Variants in POP4 observed in about 807,000 individuals in gnomAD.
POP4 encodes POP4 ribonuclease P/MRP subunit, also known as ribonuclease P protein subunit p29.
Under a neutral mutation model 29.9 loss-of-function variants are expected in POP4, and 31 were observed. The ratio of observed to expected loss-of-function variants is 1.04; its 90% CI spans 0.78 to 1.40. The LOEUF (loss-of-function observed/expected upper bound fraction) is 1.40, where lower values mean the gene tolerates loss of function less well. Ranked by LOEUF, POP4 falls within the 40% of genes most tolerant of loss-of-function variation. POP4 has a pLI of 0.00. For missense variants in POP4, 286 were observed against 282.7 expected (o/e 1.01, Z -0.08); for synonymous variants, 110 against 108.2 (o/e 1.02, Z -0.10).
At chr19:29,610,863 G>C in intron 3 of POP4, 1 of 552,318 alleles carries the variant, frequency 1.8e-6, no homozygotes, top group African/African-American at 1.9e-5. Flanking sequence ...TAAGACCCGT[G>C]CAAGTACATC....
chr19:29,607,780 G>A (rs190330975), intron 1 of POP4, among the ~76,000 whole-genome samples: 81 of 152,332 alleles, frequency 5.3e-4, no homozygotes, highest in Non-Finnish European at 9.6e-4. Context: ...CATCGATTAT[G>A]TGACACATTA....
At chr19:29,613,751 G>T in intron 5 of POP4, 120 bp from the exon 6 acceptor site, 1 of 1,467,032 alleles carries the variant, frequency 6.8e-7, no homozygotes, top group Non-Finnish European at 9.0e-7. Context: ...TGGGTGCTCT[G>T]TTCTTTCATC....
intron 4 of POP4, 66 bp downstream of exon 4, chr19:29,612,005 G>A (rs967886629): frequency 1.8e-5 from 29 of 1,588,940 alleles, no homozygotes; most frequent in East Asian, 6.7e-5. Context: ...TTGTAAATGC[G>A]GCTTCAGGAA....
rs1303242887 is a variant in POP4 at position 29,610,493 on chromosome 19, G to A, written c.145G>A (p.Asp49Asn). The change falls in exon 3 of 7, where the codon GAC becomes AAC. Residue 49 changes from aspartate (D) to asparagine (N), a missense_variant. Asp to Asn is a conservative substitution (Grantham distance 23). Transcript: ENST00000585603. Reference sequence around the variant, plus strand: ...CCGCATGAGCCCGCAGGCCCGCGAGGACCAGCTGCAGCGCAAGGCGGTGGT... The same window carrying A: ...CCGCATGAGCCCGCAGGCCCGCGAGAACCAGCTGCAGCGCAAGGCGGTGGT... ...TPRMSPQARE[D>N]QLQRKAVVLE... 1 of 1,611,878 alleles carries A rather than the reference G, an allele frequency of 6.2e-7. No individual in the cohort carries two copies. Among genetic ancestry groups the A allele is most frequent in the African/African-American group, 1.3e-5 (1 of 74,982 alleles).
At chr19:29,614,259 AG>A (rs1364770781) in intron 6 of POP4, among the ~76,000 whole-genome samples, 1 of 152,142 alleles carries the variant, frequency 6.6e-6, no homozygotes, top group Non-Finnish European at 1.5e-5. Flanking sequence ...GCCCCAGGAG[AG>A]GGCCTCCACC....
At position 29,608,903 on chromosome 19, in the gene POP4, G is replaced by C. The variant is rs771974839; in HGVS notation, c.60+194G>C. 5 of 549,768 alleles carry C rather than the reference G, an allele frequency of 9.1e-6. No homozygotes were observed. The East Asian group carries it at 1.5e-4, about 17-fold the overall frequency. The allele number at this position is 549,768 out of a possible 1,614,324, so 34.1% of individuals were successfully genotyped here. On this transcript the variant is annotated intron_variant, in intron 2 of 6. Transcript: ENST00000585603. ...CCACGTGCCAGCCTCCTTTTCTGTT[G>C]TGCCAAAGTCAAGTTTGGTAAAATG...
chr19:29,616,213 T>G lies in POP4; in HGVS notation c.*833T>G, dbSNP rs1971129622. ...TTGATATCTTCGCCATTTTTGCTGC[T>G]GAAAGACTTGGCTTTTCAGTCTGAC... On this transcript the variant is annotated 3_prime_UTR_variant, in exon 7 of 7. Transcript: ENST00000585603. 1 of 152,252 alleles carries G rather than the reference T, an allele frequency of 6.6e-6. No individual in the cohort carries two copies. Among genetic ancestry groups the G allele is most frequent in the Non-Finnish European group, 1.5e-5 (1 of 68,056 alleles). 9.4% of individuals were successfully genotyped at this position (152,252 alleles called of 1,614,324 possible). A position where few individuals can be genotyped will look rare whatever the true frequency, so the allele number is the denominator to read the frequency against.
rs946314506 is a variant in POP4, at chr19:29,610,277, G to C, written c.61-132G>C. ...GATGCATGGCGGATGAGCAGGTTGA[G>C]AGCCTCAGTAGGTAAAGGGATGGGC... On this transcript the variant is annotated intron_variant, in intron 2 of 6. Coordinates refer to ENST00000585603, the MANE Select transcript of POP4 (RefSeq NM_006627.3). 4 of 777,206 alleles carry C rather than the reference G, an allele frequency of 5.1e-6. No individual in the cohort carries two copies. In the African/African-American group the frequency reaches 7.0e-5, roughly 14 times the overall value. The allele number at this position is 777,206 out of a possible 1,614,324, so 48.1% of individuals were successfully genotyped here.
In POP4 at chr19:29,615,502, C is replaced by A; in HGVS notation, c.*122C>A. The A allele has an allele frequency of 9.3e-7, 1 of 1,073,532 alleles. No homozygotes were observed. Among genetic ancestry groups the A allele is most frequent in the Non-Finnish European group, 1.3e-6 (1 of 760,334 alleles). The allele number at this position is 1,073,532 out of a possible 1,614,324, so 66.5% of individuals were successfully genotyped here. A position where few individuals can be genotyped will look rare whatever the true frequency, so the allele number is the denominator to read the frequency against. ...TTTATAGACCACCTCCAGCCAGTGA[C>A]GCTCCGAGTTGAGGATGTTGAACAA... On this transcript the variant is annotated 3_prime_UTR_variant, in exon 7 of 7. Transcript: ENST00000585603.
Position 29,610,601 on chromosome 19 carries a change from C to T in POP4, c.253C>T (p.Arg85Trp), listed in dbSNP as rs766860828. 3.0e-5 allele frequency: 48 copies of T among 1,613,970 alleles called. No homozygotes were observed. In the South Asian group the frequency reaches 3.7e-4, roughly 13 times the overall value. Reference protein sequence around the residue: ...GLSARQRRELRLFDIKPEQQR... With the variant: ...GLSARQRRELWLFDIKPEQQR... ...CTCTGCCAGGCAAAGGAGGGAGCTG[C>T]GGCTCTTTGACATTAAACCAGAGCA... The change falls in exon 3 of 7, where the codon CGG (arginine) becomes TGG (tryptophan). Residue 85 changes from arginine (R) to tryptophan (W), a missense_variant. By Grantham distance (101) the Arg-to-Trp change is moderately radical. Coordinates refer to ENST00000585603, the MANE Select transcript of POP4 (RefSeq NM_006627.3).
At position 29,611,895 on chromosome 19, in the gene POP4, G is replaced by C. The variant is rs1299521054; in HGVS notation, c.318G>C (p.Trp106Cys). 6.2e-7 allele frequency: 1 copy of C among 1,614,152 alleles called. No individual in the cohort carries two copies. The highest frequency in any genetic ancestry group is 1.7e-5 in the Admixed American group (1 of 60,022). ...TTTTCCTCCCTCTCCATGAACTCTGGAAACAGTACATCAGGGACCTGTGCA... is the reference window on the plus strand; with the variant it reads ...TTTTCCTCCCTCTCCATGAACTCTGCAAACAGTACATCAGGGACCTGTGCA... ...YSLFLPLHEL[W>C]KQYIRDLCSG... is the part of the protein sequence containing the mutation. The change falls in exon 4 of 7, where the codon TGG (tryptophan) becomes TGC (cysteine). Residue 106 changes from tryptophan to cysteine, a missense_variant. Transcript: ENST00000585603.
rs1168062606 is a variant in POP4 at position 29,608,815 on chromosome 19, C to T, written c.60+106C>T. 4 of 1,087,494 alleles carry T rather than the reference C, an allele frequency of 3.7e-6. No homozygotes were observed. In the East Asian group the frequency reaches 7.2e-5, roughly 20 times the overall value. 67.4% of individuals were successfully genotyped at this position (1,087,494 alleles called of 1,614,324 possible). ...TTGAGATGTCCTTTCCCACATCATA[C>T]TCCTCATTTTTCTGGCAGACATCTA... is the stretch of plus-strand genomic sequence containing the variant. On this transcript the variant is annotated intron_variant, in intron 2 of 6. Coordinates refer to ENST00000585603, the MANE Select transcript of POP4 (RefSeq NM_006627.3).
chr19:29,610,143 A>C (rs1334643873), intron 2 of POP4: 2 of 480,880 alleles, frequency 4.2e-6, no homozygotes, highest in Non-Finnish European at 7.4e-6. Context: ...ATAACCTCAG[A>C]AAAGCAGGGC....
At chr19:29,609,095 G>A (rs73542498) in intron 2 of POP4, 2,949 of 162,890 alleles carry the variant, frequency 0.018, 40 homozygotes, top group African/African-American at 0.028. Context: ...TGAATGCCTC[G>A]GCCTGCTTTG....
At chr19:29,611,822 ATGT>A (rs1288274972) in intron 3 of POP4, 37 bp from the exon 4 acceptor site, 1 of 1,544,146 alleles carries the variant, frequency 6.5e-7, no homozygotes, top group Admixed American at 1.7e-5. Context: ...TCCCAAGCTC[ATGT>A]TGTCTAACTT....
In POP4 at chr19:29,608,701, G is replaced by A. The variant is rs144806266; in HGVS notation, c.52G>A (p.Asp18Asn). 9.3e-6 allele frequency: 15 copies of A among 1,613,814 alleles called. No individual in the cohort carries two copies. The highest frequency in any genetic ancestry group is 2.7e-5 in the African/African-American group (2 of 74,900). The change falls in exon 2 of 7, where the codon GAT becomes AAT. Residue 18 changes from aspartate (D) to asparagine (N), a missense_variant. By Grantham distance (23) the Asp-to-Asn change is conservative (BLOSUM62 1). Transcript: ENST00000585603. ...GTCTCAGAAAGAGGCGAATGACTCC[G>A]ATGTCCAGGTCAGTTCTTGGCAGGG... The part of the protein sequence containing the change: ...ALSQKEANDS[D>N]VQPSGAQRAE...
chr19:29,612,986 GGCCTCCCC>G (rs1971087999), intron 5 of POP4, among the ~76,000 whole-genome samples: 2 of 152,150 alleles, frequency 1.3e-5, no homozygotes, highest in South Asian at 4.1e-4. Flanking sequence ...TGTGGTCTAA[GGCCTCCCC>G]GCTCCCTGGG....
chr19:29,610,466 C>A lies in POP4; in HGVS notation c.118C>A (p.Pro40Thr). 1 of 1,602,146 alleles carries A rather than the reference C, an allele frequency of 6.2e-7. No homozygotes were observed. Among genetic ancestry groups the A allele is most frequent in the Non-Finnish European group, 8.5e-7 (1 of 1,174,470 alleles). ...FVRAFLKRST[P>T]RMSPQAREDQ... is the part of the protein sequence containing the mutation. ...GAGGGCCTTCCTGAAGCGCAGCACGCCCCGCATGAGCCCGCAGGCCCGCGA... is the reference window on the plus strand; with the variant it reads ...GAGGGCCTTCCTGAAGCGCAGCACGACCCGCATGAGCCCGCAGGCCCGCGA... Residue 40 changes from proline to threonine, a missense_variant, in exon 3 of 7, where the codon CCC (proline) becomes ACC (threonine). Pro to Thr is a conservative substitution (Grantham distance 38, BLOSUM62 -1). Coordinates refer to ENST00000585603, the MANE Select transcript of POP4 (RefSeq NM_006627.3).
rs776378364 is a variant in POP4 at position 29,608,695 on chromosome 19, G to C, written c.46G>C (p.Asp16His). The change falls in exon 2 of 7, where the codon GAC (aspartate) becomes CAC (histidine). Residue 16 changes from aspartate (D) to histidine (H), a missense_variant. Asp to His is a moderately conservative substitution (Grantham distance 81, BLOSUM62 -1). Coordinates refer to ENST00000585603, the MANE Select transcript of POP4 (RefSeq NM_006627.3). ...TGCATTGTCTCAGAAAGAGGCGAAT[G>C]ACTCCGATGTCCAGGTCAGTTCTTG... is the stretch of plus-strand genomic sequence containing the variant. ...YHALSQKEAN[D>H]SDVQPSGAQR... 3.7e-6 allele frequency: 6 copies of C among 1,614,008 alleles called. No individual in the cohort carries two copies. Among genetic ancestry groups the C allele is most frequent in the Non-Finnish European group, 4.2e-6 (5 of 1,179,922 alleles).
Sources: allele counts gnomAD v4.1 joint callset (sites outside exome capture counted in the v4.1 genomes callset), GRCh38; gene constraint gnomAD v4.1.1; transcripts MANE v1.5; gene names NCBI Gene and HGNC (gene_info 2026-07-23, HGNC 2026-07-21).